Variants in TNK2 observed in about 807,000 individuals in gnomAD.
The protein encoded by TNK2 is tyrosine kinase non receptor 2.
In TNK2, 83 loss-of-function variants were observed where a neutral mutation model predicts 101.8. That is an observed-to-expected ratio of 0.82 (90% CI 0.68 to 0.98). The LOEUF is 0.98. TNK2 is among the 50% of genes least tolerant of loss of function. The probability of loss-of-function intolerance (pLI) is 0.00; values close to 1 mark genes in which losing one functional copy is unlikely to be tolerated. For missense variants in TNK2, 1,665 were observed against 1,483.2 expected (o/e 1.12, Z -2.01); for synonymous variants, 804 against 633.0 (o/e 1.27, Z -4.06).
At position 195,873,305 on chromosome 3, in the gene TNK2, G is replaced by A. The variant is rs1452589833; in HGVS notation, c.1257-835C>T. Among the ~76,000 whole-genome samples the A allele has an allele frequency of 3.3e-5, 5 of 152,364 alleles. No individual in the cohort carries two copies. In the East Asian group the frequency reaches 9.7e-4, roughly 29 times the overall value. On this transcript the variant is annotated intron_variant, in intron 9 of 15. Coordinates refer to ENST00000672887, the MANE Select transcript of TNK2 (RefSeq NM_001382273.1). ...GCAGGGGCAGGGGCAGGCAGGCCAGGAAGCACAGGGCTCCCGCAAGACACT... is the reference window on the plus strand; with the variant it reads ...GCAGGGGCAGGGGCAGGCAGGCCAGAAAGCACAGGGCTCCCGCAAGACACT...
intron 1 of TNK2, chr3:195,892,837 T>G: frequency 2.6e-6 from 2 of 765,040 alleles, no homozygotes; most frequent in Non-Finnish European, 3.2e-6. Context: ...CCTCTCTCCC[T>G]CCCTCCCCAG....
At chr3:195,903,573 C>T (rs762768054) in intron 1 of TNK2, among the ~76,000 whole-genome samples, 2 of 151,880 alleles carry the variant, frequency 1.3e-5, no homozygotes, top group African/African-American at 2.4e-5. Flanking sequence ...AAAAATTAGC[C>T]GGGTGTGGTG....
At chr3:195,891,540 C>T (rs1758422609) in intron 1 of TNK2, among the ~76,000 whole-genome samples, 1 of 152,208 alleles carries the variant, frequency 6.6e-6, no homozygotes, top group South Asian at 2.1e-4. Flanking sequence ...TTAAGAGGAC[C>T]AGGCGTCGTG....
chr3:195,896,402 G>T (rs1760517191), intron 1 of TNK2: 3 of 304,260 alleles, frequency 9.9e-6, no homozygotes, highest in East Asian at 1.4e-4. Flanking sequence ...TCCCTCTACG[G>T]CCCACTCTCC....
Position 195,882,270 on chromosome 3 carries a change from T to C in TNK2, c.668A>G (p.His223Arg), listed in dbSNP as rs775346909. 6.2e-7 allele frequency: 1 copy of C among 1,613,412 alleles called. No individual in the cohort carries two copies. The highest frequency in any genetic ancestry group is 1.7e-5 in the Admixed American group (1 of 59,996). The change falls in exon 6 of 16, where the codon CAC (histidine) becomes CGC (arginine). Residue 223 changes from histidine to arginine, a missense_variant. His to Arg is a conservative substitution (Grantham distance 29, BLOSUM62 0). Coordinates refer to ENST00000672887, the MANE Select transcript of TNK2 (RefSeq NM_001382273.1). The surrounding 1 kb of genome is among the most constrained non-coding windows in gnomAD (Gnocchi z 4.2). Reference protein sequence around the residue: ...LLDRLRKHQGHFLLGTLSRYA... With the variant: ...LLDRLRKHQGRFLLGTLSRYA... ...GCGGCTCAGAGTCCCCAGGAGGAAGTGGCCCTGGTGCTTACGTAGCCGGTC... is the reference window on the plus strand; with the variant it reads ...GCGGCTCAGAGTCCCCAGGAGGAAGCGGCCCTGGTGCTTACGTAGCCGGTC...
intron 1 of TNK2, among the ~76,000 whole-genome samples, chr3:195,899,869 C>T (rs536056689): frequency 1.3e-5 from 2 of 149,930 alleles, no homozygotes; most frequent in African/African-American, 2.5e-5. Context: ...CACTGGAGAA[C>T]GGTGGCTGCT....
chr3:195,867,688 G>A lies in TNK2; in HGVS notation c.2610C>T (p.Ser870=), dbSNP rs768232095. ...CGGGCAGCAAGTAATAGTGGGTGCT[G>A]CTGACCTTCTTGCCATCCCGGACGA... ...LPIVRDGKKV[S]STHYYLLPER... is the part of the protein sequence containing the mutation. The change falls in exon 13 of 16, where the codon AGC becomes AGT. Residue 870 remains serine (S), a synonymous_variant. Coordinates refer to ENST00000672887, the MANE Select transcript of TNK2 (RefSeq NM_001382273.1). 1.9e-6 allele frequency: 3 copies of A among 1,608,812 alleles called. No individual in the cohort carries two copies. The highest frequency in any genetic ancestry group is 3.3e-5 in the Admixed American group (2 of 59,718).
At chr3:195,895,772 G>T in intron 1 of TNK2, 1 of 258,756 alleles carries the variant, frequency 3.9e-6, no homozygotes, top group Non-Finnish European at 7.1e-6. Context: ...GAAGCCCACA[G>T]CAGAGGGGCC....
rs754864345 is a variant in TNK2 at position 195,867,019 on chromosome 3, G to A, written c.3034-3C>T. On this transcript the variant is annotated splice_region_variant and splice_polypyrimidine_tract_variant and intron_variant, in intron 14 of 15. Transcript: ENST00000672887. ...CCCAGCCCGAAGAGCTGCTCCACCT[G>A]GGGGTAAGGGTGGCGCCATGGACAC... 15 of 1,612,868 alleles carry A rather than the reference G, an allele frequency of 9.3e-6. No individual in the cohort carries two copies. Among genetic ancestry groups the A allele is most frequent in the Non-Finnish European group, 1.3e-5 (15 of 1,179,842 alleles).
chr3:195,866,824 G>A (rs1741191323), intron 15 of TNK2, 65 bp downstream of exon 15: 2 of 1,567,084 alleles, frequency 1.3e-6, no homozygotes, highest in African/African-American at 1.4e-5. Flanking sequence ...CTTCCTCCCA[G>A]TGTGGCAGGC....
rs1319266075 is a variant in TNK2 at position 195,878,996 on chromosome 3, G to A, written c.1014+53C>T. On this transcript the variant is annotated intron_variant, in intron 7 of 15. Transcript: ENST00000672887. The surrounding 1 kb of genome is among the most constrained non-coding windows in gnomAD (Gnocchi z 4.7). ...TTCCAGCAGGGCCAGGCTGCAAGCA[G>A]GGAATGGAATTCACCCCACCAGCCC... is the stretch of plus-strand genomic sequence containing the variant. 1.9e-6 allele frequency: 3 copies of A among 1,594,996 alleles called. No homozygotes were observed. Among genetic ancestry groups the A allele is most frequent in the East Asian group, 4.5e-5 (2 of 44,532 alleles).
At position 195,878,149 on chromosome 3, in the gene TNK2, T is replaced by C. The variant is rs1348157416; in HGVS notation, c.1256+104A>G. ...GTTCAGGCCCAACCGCCAGCCTGTA[T>C]GTGGCCAAGGGAATCTTGGAGGCCA... On this transcript the variant is annotated intron_variant, in intron 9 of 15. Coordinates refer to ENST00000672887, the MANE Select transcript of TNK2 (RefSeq NM_001382273.1). This position sits in a 1 kb window ranked among gnomAD's most constrained non-coding sequence, Gnocchi z 4.7. 1 of 1,250,680 alleles carries C rather than the reference T, an allele frequency of 8.0e-7. No individual in the cohort carries two copies. Among genetic ancestry groups the C allele is most frequent in the Admixed American group, 1.7e-5 (1 of 58,732 alleles). The allele number at this position is 1,250,680 out of a possible 1,614,324, so 77.5% of individuals were successfully genotyped here.
At position 195,885,546 on chromosome 3, in the gene TNK2, G is replaced by C; in HGVS notation, c.235-513C>G. 7.7e-7 allele frequency: 1 copy of C among 1,291,400 alleles called. No homozygotes were observed. Among genetic ancestry groups the C allele is most frequent in the Non-Finnish European group, 1.0e-6 (1 of 989,982 alleles). The allele number at this position is 1,291,400 out of a possible 1,614,324, so 80.0% of individuals were successfully genotyped here. A position where few individuals can be genotyped will look rare whatever the true frequency, so the allele number is the denominator to read the frequency against. On this transcript the variant is annotated intron_variant, in intron 3 of 15. Transcript: ENST00000672887. The surrounding 1 kb of genome is among the most constrained non-coding windows in gnomAD (Gnocchi z 4.7). ...CAGGGAGTCGGCTGCCCTTCATCCT[G>C]CCCAGGGGAGAGGATAATTTTAGTC...
intron 2 of TNK2, among the ~76,000 whole-genome samples, chr3:195,887,973 T>C (rs571202251): frequency 1.4e-5 from 2 of 147,588 alleles, no homozygotes; most frequent in South Asian, 2.1e-4. Context: ...TGTGTGTGTG[T>C]GTATGCCTGT....
intron 1 of TNK2, among the ~76,000 whole-genome samples, chr3:195,905,292 C>T (rs533563359): frequency 1.3e-5 from 2 of 152,212 alleles, no homozygotes; most frequent in East Asian, 1.9e-4. Flanking sequence ...CTCCGCCTCC[C>T]GGGTTCATGC....
At chr3:195,875,668 C>T (rs890332265) in intron 9 of TNK2, among the ~76,000 whole-genome samples, 1 of 152,182 alleles carries the variant, frequency 6.6e-6, no homozygotes, top group Non-Finnish European at 1.5e-5. Flanking sequence ...CTCTCTCTCC[C>T]GCCATGAACA....
intron 6 of TNK2, chr3:195,879,480 A>G (rs1017648235): frequency 2.3e-4 from 60 of 257,182 alleles, no homozygotes; most frequent in Non-Finnish European, 7.6e-5. Context: ...TGGGGCAGGG[A>G]GAGAAGATCA....
At chr3:195,895,395 TG>T (rs992410828) in intron 1 of TNK2, 21 of 1,536,434 alleles carry the variant, frequency 1.4e-5, no homozygotes, top group South Asian at 3.6e-5. Context: ...CCCTGCGTCC[TG>T]GGGGGCCGGG....
At chr3:195,899,184 A>G (rs1760956705) in intron 1 of TNK2, among the ~76,000 whole-genome samples, 1 of 151,818 alleles carries the variant, frequency 6.6e-6, no homozygotes. Flanking sequence ...ACTCCCACAC[A>G]CTCCTCAAGA....
Sources: allele counts gnomAD v4.1 joint callset (sites outside exome capture counted in the v4.1 genomes callset), GRCh38; gene constraint gnomAD v4.1.1; non-coding constraint Gnocchi (gnomAD v3.1); transcripts MANE v1.5; gene names NCBI Gene and HGNC (gene_info 2026-07-23, HGNC 2026-07-21).